CD74: variants seen among roughly 807,000 people sequenced by gnomAD.
The protein encoded by CD74 is CD74 molecule, also known as HLA class II histocompatibility antigen gamma chain.
Under a neutral mutation model 37.1 loss-of-function variants are expected in CD74, and 20 were observed. The ratio of observed to expected loss-of-function variants is 0.54; its 90% CI spans 0.38 to 0.78. CD74 has a LOEUF of 0.78. Among genes scored for constraint, CD74 ranks in the 30% least tolerant of loss-of-function variants. CD74 has a pLI of 0.00. For synonymous variants in CD74, 150 were observed against 152.0 expected (o/e 0.99, Z 0.10); for missense variants, 338 against 389.5 (o/e 0.87, Z 1.11).
chr5:150,407,791 T>A lies in CD74; in HGVS notation c.126-467A>T, dbSNP rs944553992. Among the ~76,000 whole-genome samples, 13 of 152,190 alleles carry A rather than the reference T, an allele frequency of 8.5e-5. No homozygotes were observed. Among genetic ancestry groups the A allele is most frequent in the Non-Finnish European group, 4.4e-5 (3 of 68,036 alleles). Reference sequence around the variant, plus strand: ...TTTTTTGAGACGGAGTCTTGCTCTGTCGCCCAGGCTGGAGTGCAGTGGCGC... The same window carrying A: ...TTTTTTGAGACGGAGTCTTGCTCTGACGCCCAGGCTGGAGTGCAGTGGCGC... On this transcript the variant is annotated intron_variant, in intron 1 of 8. Transcript: ENST00000009530. This position sits in a 1 kb window ranked among gnomAD's most constrained non-coding sequence, Gnocchi z 4.4.
In CD74 at chr5:150,412,786, G is replaced by T; in HGVS notation, c.-37C>A. ...ACCCCCCGGCTCGCCTCTTAAAGTC[G>T]GTGCTGGAGAGGAATCTGATTCGTC... On this transcript the variant is annotated 5_prime_UTR_variant, in exon 1 of 9. Coordinates refer to ENST00000009530, the MANE Select transcript of CD74 (RefSeq NM_001025159.3). 6.2e-7 allele frequency: 1 copy of T among 1,612,394 alleles called. No homozygotes were observed. The highest frequency in any genetic ancestry group is 8.5e-7 in the Non-Finnish European group (1 of 1,179,486).
chr5:150,412,157 G>A (rs1236197789), intron 1 of CD74, among the ~76,000 whole-genome samples: 16 of 152,176 alleles, frequency 1.1e-4, no homozygotes, highest in Admixed American at 3.9e-4. Flanking sequence ...TAGAGATGGG[G>A]TTTCAACATG....
In CD74 at chr5:150,407,530, A is replaced by G. The variant is rs556237244; in HGVS notation, c.126-206T>C. Among the ~76,000 whole-genome samples the G allele has an allele frequency of 2.0e-5, 3 of 152,210 alleles. No homozygotes were observed. In the East Asian group the frequency reaches 5.8e-4, roughly 29 times the overall value. ...ACCCCACCCCTCCTTCCAACCATCG[A>G]TGTGCCTGAAGTCTTCCCTGGCAGA... On this transcript the variant is annotated intron_variant, in intron 1 of 8. Coordinates refer to ENST00000009530, the MANE Select transcript of CD74 (RefSeq NM_001025159.3). This position sits in a 1 kb window ranked among gnomAD's most constrained non-coding sequence, Gnocchi z 4.4.
Position 150,407,320 on chromosome 5 carries a change from A to T in CD74, c.130T>A (p.Cys44Ser), listed in dbSNP as rs1017241188. 10 of 1,606,572 alleles carry T rather than the reference A, an allele frequency of 6.2e-6. No individual in the cohort carries two copies. Among genetic ancestry groups the T allele is most frequent in the African/African-American group, 1.3e-5 (1 of 74,824 alleles). ...CCTGTGTACAGGGCTCCGCGGCTGC[A>T]CTTGCTGTGGGAGGTGGGGAGGATA... ...GRRPGAPESK[C>S]SRGALYTGFS... is the part of the protein sequence containing the mutation. The change falls in exon 2 of 9, where the codon TGC becomes AGC. Residue 44 changes from cysteine to serine, a missense_variant. By Grantham distance (112) the Cys-to-Ser change is moderately radical. Coordinates refer to ENST00000009530, the MANE Select transcript of CD74 (RefSeq NM_001025159.3). The surrounding 1 kb of genome is among the most constrained non-coding windows in gnomAD (Gnocchi z 4.4).
chr5:150,403,151 T>C lies in CD74; in HGVS notation c.787A>G (p.Thr263Ala), dbSNP rs1271298114. 9.9e-6 allele frequency: 16 copies of C among 1,613,786 alleles called. No individual in the cohort carries two copies. The highest frequency in any genetic ancestry group is 1.3e-5 in the Non-Finnish European group (15 of 1,179,858). Residue 263 changes from threonine (T) to alanine (A), a missense_variant, in exon 7 of 9, where the codon ACC becomes GCC. By Grantham distance (58) the Thr-to-Ala change is moderately conservative. Transcript: ENST00000009530. The surrounding 1 kb of genome is among the most constrained non-coding windows in gnomAD (Gnocchi z 4.5). ...VFPNGTEVPN[T>A]RSRGHHNCSE... ...CAGTTATGGTGCCCGCGGCTTCTGG[T>C]GTTGGGGACCTCCGTGCCGTTGGGG...
intron 1 of CD74, among the ~76,000 whole-genome samples, chr5:150,411,508 G>A (rs1174814809): frequency 1.3e-5 from 2 of 152,230 alleles, no homozygotes; most frequent in Non-Finnish European, 2.9e-5. Flanking sequence ...ACACCTAGCT[G>A]TAAGTCCCTG....
rs1264302838 is a variant in CD74 at position 150,403,720 on chromosome 5, G to A, written c.626-408C>T. Among the ~76,000 whole-genome samples the A allele has an allele frequency of 2.6e-5, 4 of 152,158 alleles. No individual in the cohort carries two copies. Among genetic ancestry groups the A allele is most frequent in the Admixed American group, 6.5e-5 (1 of 15,278 alleles). The stretch of plus-strand genomic sequence containing the variant: ...CTAAAAATACAAAAATTAGCTGGGC[G>A]TGGTGGCACATGCCTATAATCCCAG... On this transcript the variant is annotated intron_variant, in intron 6 of 8. Coordinates refer to ENST00000009530, the MANE Select transcript of CD74 (RefSeq NM_001025159.3). The surrounding 1 kb of genome is among the most constrained non-coding windows in gnomAD (Gnocchi z 4.5).
rs2151168927 is a variant in CD74, at chr5:150,402,974, A to G, written c.817+147T>C. 1.6e-6 allele frequency: 1 copy of G among 640,252 alleles called. No individual in the cohort carries two copies. The highest frequency in any genetic ancestry group is 2.7e-6 in the Non-Finnish European group (1 of 367,668). The allele number at this position is 640,252 out of a possible 1,614,324, so 39.7% of individuals were successfully genotyped here. A position where few individuals can be genotyped will look rare whatever the true frequency, so the allele number is the denominator to read the frequency against. ...GGAATGCACAGGTGGGTGGATGGAT[A>G]AAGGGCTGGACGCATGACTACGTCA... On this transcript the variant is annotated intron_variant, in intron 7 of 8. Transcript: ENST00000009530. This position sits in a 1 kb window ranked among gnomAD's most constrained non-coding sequence, Gnocchi z 4.2.
rs1770035747 is a variant in CD74 at position 150,407,347 on chromosome 5, G to A, written c.126-23C>T. ...TTGCTGTGGGAGGTGGGGAGGATAGGTCAGAGGAGGATCCACAGTGGTGGC... is the reference window on the plus strand; with the variant it reads ...TTGCTGTGGGAGGTGGGGAGGATAGATCAGAGGAGGATCCACAGTGGTGGC... On this transcript the variant is annotated intron_variant, in intron 1 of 8. Transcript: ENST00000009530. This position sits in a 1 kb window ranked among gnomAD's most constrained non-coding sequence, Gnocchi z 4.4. 4 of 1,584,646 alleles carry A rather than the reference G, an allele frequency of 2.5e-6. No individual in the cohort carries two copies. Among genetic ancestry groups the A allele is most frequent in the African/African-American group, 2.7e-5 (2 of 74,666 alleles).
rs563787187 is a variant in CD74 at position 150,403,197 on chromosome 5, G to A, written c.741C>T (p.Ile247=). 5.6e-5 allele frequency: 90 copies of A among 1,614,044 alleles called. No individual in the cohort carries two copies. The highest frequency in any genetic ancestry group is 8.9e-5 in the East Asian group (4 of 44,894). The change falls in exon 7 of 9, where the codon ATC becomes ATT. Residue 247 remains isoleucine (I), a synonymous_variant. Transcript: ENST00000009530. The surrounding 1 kb of genome is among the most constrained non-coding windows in gnomAD (Gnocchi z 4.5). The stretch of plus-strand genomic sequence containing the variant: ...TGGGGAAGACACACCAGCAGTAGCC[G>A]ATGCTCCCATAGCACTGGAGTGGCA... The part of the protein sequence containing the change: ...NYLPLQCYGS[I]GYCWCVFPNG...
chr5:150,405,578 C>A, intron 4 of CD74: 1 of 253,868 alleles, frequency 3.9e-6, no homozygotes, highest in Non-Finnish European at 6.4e-6. Context: ...ATCACCTGGT[C>A]ACTTGTCTGT....
intron 1 of CD74, among the ~76,000 whole-genome samples, chr5:150,409,575 C>T (rs928156100): frequency 7.9e-5 from 12 of 151,660 alleles, no homozygotes; most frequent in African/African-American, 2.9e-4. Context: ...CACCTGTAGT[C>T]CCAGCTACTC....
At position 150,412,632 on chromosome 5, in the gene CD74, G is replaced by T. The variant is rs749863505; in HGVS notation, c.118C>A (p.Pro40Thr). ...CCTGGTGCTCACACATACCTCTCCGGGGCCCCAGGGCGCCGGCCCAGCATG... is the reference window on the plus strand; with the variant it reads ...CCTGGTGCTCACACATACCTCTCCGTGGCCCCAGGGCGCCGGCCCAGCATG... ...LPMLGRRPGAPESKCSRGALY... is the reference protein window; with the variant it reads ...LPMLGRRPGATESKCSRGALY... Residue 40 changes from proline to threonine, a missense_variant, in exon 1 of 9, where the codon CCG (proline) becomes ACG (threonine). Physicochemically the swap from Pro to Thr is conservative, Grantham distance 38. Transcript: ENST00000009530. 6.2e-7 allele frequency: 1 copy of T among 1,612,686 alleles called. No individual in the cohort carries two copies. Among genetic ancestry groups the T allele is most frequent in the East Asian group, 2.2e-5 (1 of 44,882 alleles).
At chr5:150,405,783 A>C (rs1408113050) in intron 4 of CD74, 1 of 155,014 alleles carries the variant, frequency 6.5e-6, no homozygotes, top group African/African-American at 2.4e-5. Context: ...ATTTTATTTT[A>C]TTTTTTGAAA....
chr5:150,402,680 A>T lies in CD74; in HGVS notation c.818-55T>A, dbSNP rs2151167727. On this transcript the variant is annotated intron_variant, in intron 7 of 8. Coordinates refer to ENST00000009530, the MANE Select transcript of CD74 (RefSeq NM_001025159.3). This position sits in a 1 kb window ranked among gnomAD's most constrained non-coding sequence, Gnocchi z 4.2. The stretch of plus-strand genomic sequence containing the variant: ...CTTGAAGTGCAGCCTACCTGACCCA[A>T]GATGCCTGAGGGCAGTGCTTCCCAC... 6.8e-7 allele frequency: 1 copy of T among 1,473,540 alleles called. No homozygotes were observed. The highest frequency in any genetic ancestry group is 1.2e-5 in the South Asian group (1 of 81,126). 91.3% of individuals were successfully genotyped at this position (1,473,540 alleles called of 1,614,324 possible).
intron 3 of CD74, 47 bp from the exon 4 acceptor site, chr5:150,406,368 A>C: frequency 6.7e-7 from 1 of 1,498,770 alleles, no homozygotes. Flanking sequence ...TCCCTGGAGC[A>C]GGGGGTATGG....
At chr5:150,406,995 G>C in intron 2 of CD74, 35 bp from the exon 3 acceptor site, 1 of 1,555,458 alleles carries the variant, frequency 6.4e-7, no homozygotes, top group Non-Finnish European at 8.7e-7. Context: ...GTGTGGCCCC[G>C]GTGCCCAGGG....
rs527730828 is a variant in CD74, at chr5:150,412,631, G to C, written c.119C>G (p.Pro40Arg). The part of the protein sequence containing the change: ...LPMLGRRPGA[P>R]ESKCSRGALY... ...TCCTGGTGCTCACACATACCTCTCC[G>C]GGGCCCCAGGGCGCCGGCCCAGCAT... The change falls in exon 1 of 9, where the codon CCG becomes CGG. Residue 40 changes from proline to arginine, a missense_variant. Pro to Arg is a moderately radical substitution (Grantham distance 103). Transcript: ENST00000009530. 1.2e-6 allele frequency: 2 copies of C among 1,612,170 alleles called. No individual in the cohort carries two copies. Among genetic ancestry groups the C allele is most frequent in the South Asian group, 1.1e-5 (1 of 91,062 alleles).
At chr5:150,409,321 G>A (rs1379439362) in intron 1 of CD74, among the ~76,000 whole-genome samples, 1 of 152,052 alleles carries the variant, frequency 6.6e-6, no homozygotes, top group Non-Finnish European at 1.5e-5. Context: ...GAGGTCAGGA[G>A]TTCGAGACCA....
Sources: allele counts gnomAD v4.1 joint callset (sites outside exome capture counted in the v4.1 genomes callset), GRCh38; gene constraint gnomAD v4.1.1; non-coding constraint Gnocchi (gnomAD v3.1); transcripts MANE v1.5; gene names NCBI Gene and HGNC (gene_info 2026-07-23, HGNC 2026-07-21).